The following TMPRSS15 variants were observed in gnomAD, a reference collection of about 807,000 sequenced individuals.
TMPRSS15 encodes enteropeptidase.
Under a neutral mutation model 125.3 loss-of-function variants are expected in TMPRSS15, and 128 were observed. That is an observed-to-expected ratio of 1.02 (90% confidence interval 0.89 to 1.18). The LOEUF is 1.18. TMPRSS15 is among the 50% of genes most tolerant of loss of function. The pLI is 0.00. For synonymous variants in TMPRSS15, 446 were observed against 423.2 expected, an observed-to-expected ratio of 1.05 and a Z score of -0.66; for missense variants, 1,283 against 1,212.7, an observed-to-expected ratio of 1.06 and a Z score of -0.86.
chr21:18,427,427 T>C (rs2076205245), intron 1 of TMPRSS15, among the ~76,000 whole-genome samples: 1 of 152,244 alleles, frequency 6.6e-6, no homozygotes, highest in South Asian at 2.1e-4. Flanking sequence ...ATAAATAAAA[T>C]TCTTAACTGT....
chr21:18,469,610 T>A (rs1328173075), intron 1 of TMPRSS15, among the ~76,000 whole-genome samples: 1 of 152,076 alleles, frequency 6.6e-6, no homozygotes, highest in Non-Finnish European at 1.5e-5. Context: ...AAACTTTGAT[T>A]TAAATCAGGA....
intron 1 of TMPRSS15, among the ~76,000 whole-genome samples, chr21:18,466,823 A>C (rs1365795095): frequency 6.6e-6 from 1 of 152,202 alleles, no homozygotes; most frequent in African/African-American, 2.4e-5. Flanking sequence ...AGTGTAAATT[A>C]GTTCAACCAT....
intron 10 of TMPRSS15, among the ~76,000 whole-genome samples, chr21:18,352,129 G>T (rs2075575926): frequency 6.6e-6 from 1 of 151,840 alleles, no homozygotes; most frequent in African/African-American, 2.4e-5. Context: ...TCTCACTTCA[G>T]TGATTATATT....
rs780237847 is a variant in TMPRSS15, at chr21:18,275,274, G to A, written c.2827C>T (p.Gln943Ter). ...GTAATGTTATATTCTGGCATCTGCTGTTGGCATCTCTCATTTGATAGAAGA... is the reference window on the plus strand; with the variant it reads ...GTAATGTTATATTCTGGCATCTGCTATTGGCATCTCTCATTTGATAGAAGA... The part of the protein sequence containing the change: ...VPLLSNERCQ[Q>*]QMPEYNITEN... The change falls in exon 24 of 25, where the codon CAG becomes TAG. Residue 943 changes from glutamine (Q) to a stop codon, truncating the protein, a stop_gained. Transcript: ENST00000284885. LOFTEE classifies it high-confidence loss of function. The A allele has an allele frequency of 2.7e-5, 44 of 1,613,906 alleles. No homozygotes were observed. The highest frequency in any genetic ancestry group is 3.5e-5 in the Non-Finnish European group (41 of 1,179,974).
intron 17 of TMPRSS15, among the ~76,000 whole-genome samples, chr21:18,313,837 G>A (rs1459927664): frequency 6.8e-6 from 1 of 148,010 alleles, no homozygotes; most frequent in Non-Finnish European, 1.5e-5. Flanking sequence ...TATAAACTTA[G>A]TTTCTGAAAG....
chr21:18,293,287 T>C (rs1182499612), intron 21 of TMPRSS15, among the ~76,000 whole-genome samples: 2 of 152,198 alleles, frequency 1.3e-5, no homozygotes, highest in East Asian at 1.9e-4. Flanking sequence ...TGTAACCTGA[T>C]TAACTACGGC....
chr21:18,307,751 T>A (rs1255443903), intron 18 of TMPRSS15, among the ~76,000 whole-genome samples: 1 of 152,122 alleles, frequency 6.6e-6, no homozygotes, highest in Non-Finnish European at 1.5e-5. Context: ...AATGTAGGGA[T>A]CCACATTTTG....
intron 1 of TMPRSS15, among the ~76,000 whole-genome samples, chr21:18,427,372 TA>T (rs35637500): frequency 0.84 from 127,807 of 152,214 alleles, 54,783 homozygotes; most frequent in East Asian, 0.99. Flanking sequence ...TTGCCTTACT[TA>T]ACTATTACAT....
At chr21:18,308,768 T>A (rs933671469) in intron 18 of TMPRSS15, among the ~76,000 whole-genome samples, 2 of 152,016 alleles carry the variant, frequency 1.3e-5, no homozygotes, top group Non-Finnish European at 2.9e-5. Context: ...CAGGCCCTGG[T>A]GTGTGATGTT....
chr21:18,335,498 G>C (rs2075383145), intron 13 of TMPRSS15, among the ~76,000 whole-genome samples: 1 of 152,184 alleles, frequency 6.6e-6, no homozygotes, highest in African/African-American at 2.4e-5. Flanking sequence ...GTTGTCAAGT[G>C]TAATAGTTAA....
intron 8 of TMPRSS15, among the ~76,000 whole-genome samples, chr21:18,358,523 C>T (rs2075647394): frequency 6.6e-6 from 1 of 151,546 alleles, no homozygotes; most frequent in Non-Finnish European, 1.5e-5. Context: ...AAATGGTTGG[C>T]CCATTTTTTT....
chr21:18,362,065 G>A (rs1473764255), intron 7 of TMPRSS15, among the ~76,000 whole-genome samples: 1 of 152,080 alleles, frequency 6.6e-6, no homozygotes, highest in African/African-American at 2.4e-5. Flanking sequence ...TACACTCATG[G>A]CTACTCTAAG....
intron 13 of TMPRSS15, among the ~76,000 whole-genome samples, chr21:18,333,313 C>T (rs952562711): frequency 4.6e-5 from 7 of 152,092 alleles, no homozygotes; most frequent in African/African-American, 1.2e-4. Flanking sequence ...ATTCTTATGG[C>T]CTTTGTGAAT....
chr21:18,390,219 C>G (rs752436542), intron 3 of TMPRSS15, among the ~76,000 whole-genome samples: 3 of 152,162 alleles, frequency 2.0e-5, no homozygotes, highest in Non-Finnish European at 2.9e-5. Context: ...CACACAGTAA[C>G]ATGCCTGTGC....
At chr21:18,440,923 AC>A (rs1416268129) in intron 1 of TMPRSS15, among the ~76,000 whole-genome samples, 1 of 152,218 alleles carries the variant, frequency 6.6e-6, no homozygotes, top group Non-Finnish European at 1.5e-5. Context: ...AGAATGATCA[AC>A]CTACTAACAG....
chr21:18,304,718 C>A (rs1351164705), intron 18 of TMPRSS15, among the ~76,000 whole-genome samples: 1 of 152,000 alleles, frequency 6.6e-6, no homozygotes, highest in Non-Finnish European at 1.5e-5. Flanking sequence ...TTACAGTGGT[C>A]ATTAGAGCCA....
At position 18,294,592 on chromosome 21, in the gene TMPRSS15, T is replaced by A; in HGVS notation, c.2311+11A>T. On this transcript the variant is annotated intron_variant, in intron 20 of 24. Coordinates refer to ENST00000284885, the MANE Select transcript of TMPRSS15 (RefSeq NM_002772.3). ...ATGCTTGAAGTGGGATATGACAACATATTTACTTACATTTATGGTTACACT... is the reference window on the plus strand; with the variant it reads ...ATGCTTGAAGTGGGATATGACAACAAATTTACTTACATTTATGGTTACACT... 3 of 1,610,224 alleles carry A rather than the reference T, an allele frequency of 1.9e-6. No homozygotes were observed. The highest frequency in any genetic ancestry group is 2.6e-6 in the Non-Finnish European group (3 of 1,176,414).
chr21:18,361,074 A>T (rs183593383), intron 7 of TMPRSS15, among the ~76,000 whole-genome samples: 150 of 152,244 alleles, frequency 9.9e-4, no homozygotes, highest in African/African-American at 3.5e-3. Context: ...CTATTGATAT[A>T]AAAAAATAAT....
In TMPRSS15 at chr21:18,431,274, A is replaced by G. The variant is rs557839600; in HGVS notation, c.11-32945T>C. Among the ~76,000 whole-genome samples, 23 of 152,304 alleles carry G rather than the reference A, an allele frequency of 1.5e-4. 1 individual carries two copies. The highest frequency in any genetic ancestry group is 5.5e-4 in the African/African-American group (23 of 41,586). On this transcript the variant is annotated intron_variant, in intron 1 of 7. Coordinates refer to the TMPRSS15 transcript ENST00000422787. ...CCTGAAATGTTTTATATTATAATAA[A>G]TATCCTGTGTACTTACTTTCCAGCC...
Sources: allele counts gnomAD v4.1 joint callset (sites outside exome capture counted in the v4.1 genomes callset), GRCh38; gene constraint gnomAD v4.1.1; transcripts MANE v1.5; gene names NCBI Gene and HGNC (gene_info 2026-07-23, HGNC 2026-07-21).